SLC17A8: variants seen among roughly 807,000 people sequenced by gnomAD.
SLC17A8 encodes the protein solute carrier family 17 member 8.
A neutral mutation model predicts 58.0 loss-of-function variants in SLC17A8; 31 were observed. The ratio of observed to expected loss-of-function variants is 0.53; its 90% confidence interval spans 0.40 to 0.72. The LOEUF is 0.72. Among genes scored for constraint, SLC17A8 ranks in the 30% least tolerant of loss-of-function variants. The pLI, the probability that SLC17A8 is intolerant of heterozygous loss-of-function variation, is 0.00. For missense variants in SLC17A8, 655 were observed against 727.8 expected, an observed-to-expected ratio of 0.90 and a Z score of 1.15; for synonymous variants, 228 against 249.0, an observed-to-expected ratio of 0.92 and a Z score of 0.79.
rs190631201 is a variant in SLC17A8, at chr12:100,420,701, G to A, written c.*542G>A. 2.7e-4 allele frequency: 44 copies of A among 160,756 alleles called. No homozygotes were observed. The highest frequency in any genetic ancestry group is 4.7e-4 in the Non-Finnish European group (34 of 72,470). 10.0% of individuals were successfully genotyped at this position (160,756 alleles called of 1,614,324 possible). On this transcript the variant is annotated 3_prime_UTR_variant, in exon 12 of 12. Coordinates refer to ENST00000323346, the MANE Select transcript of SLC17A8 (RefSeq NM_139319.3). ...GCAACAAGAAATGAACTTGCCCAAGGTCATCTGCCAGGGTCAGTGCTGAGA... is the reference window on the plus strand; with the variant it reads ...GCAACAAGAAATGAACTTGCCCAAGATCATCTGCCAGGGTCAGTGCTGAGA...
intron 1 of SLC17A8, among the ~76,000 whole-genome samples, chr12:100,379,798 T>C (rs1373658016): frequency 6.6e-6 from 1 of 151,576 alleles, no homozygotes; most frequent in Non-Finnish European, 1.5e-5. Flanking sequence ...TGCTGGATGA[T>C]CACCTCCTTA....
At chr12:100,381,149 C>T (rs1192763273) in intron 2 of SLC17A8, among the ~76,000 whole-genome samples, 196 bp downstream of exon 2, 6 of 151,930 alleles carry the variant, frequency 3.9e-5, no homozygotes, top group Non-Finnish European at 7.4e-5. Context: ...ATCTCAGCAT[C>T]TCAGCATCTC....
Position 100,418,165 on chromosome 12 carries a change from C to A in SLC17A8, c.1425+9C>A. 1 of 1,614,112 alleles carries A rather than the reference C, an allele frequency of 6.2e-7. No homozygotes were observed. Among genetic ancestry groups the A allele is most frequent in the Non-Finnish European group, 8.5e-7 (1 of 1,180,026 alleles). On this transcript the variant is annotated intron_variant, in intron 11 of 11. Transcript: ENST00000323346. ...CAATGACCAGGCACAAGGTAAAGGT[C>A]TCCTTTGTGGCTATGGGTTACAATA... is the stretch of plus-strand genomic sequence containing the variant.
At chr12:100,408,634 CT>C (rs557655090) in intron 9 of SLC17A8, among the ~76,000 whole-genome samples, 14 of 152,130 alleles carry the variant, frequency 9.2e-5, no homozygotes, top group Non-Finnish European at 8.8e-5. Flanking sequence ...CACTGGCAAT[CT>C]GCTATTTGGC....
intron 9 of SLC17A8, chr12:100,410,678 G>C (rs1952861391): frequency 1.3e-5 from 2 of 152,330 alleles, no homozygotes; most frequent in Non-Finnish European, 2.9e-5. Flanking sequence ...AGAAAAAAAG[G>C]TGGCTTATTG....
Position 100,421,658 on chromosome 12 carries a change from G to GTTTTTTTTTTTTTTTTTTTATTTTTT in SLC17A8, c.*1518_*1519insATTTTTTTTTTTTTTTTTTTTTTTTT. On this transcript the variant is annotated 3_prime_UTR_variant, in exon 12 of 12. Transcript: ENST00000323346. ...TACTTGTAGCTTATTATTGTAAAGT[G>GTTTTTTTTTTTTTTTTTTTATTTTTT]TTTTTTTTTTTTTTTTTTTTTTCTA... 1 of 109,872 alleles carries GTTTTTTTTTTTTTTTTTTTATTTTTT rather than the reference G, an allele frequency of 9.1e-6. No individual in the cohort carries two copies. The highest frequency in any genetic ancestry group is 1.7e-5 in the Non-Finnish European group (1 of 58,400). The allele number at this position is 109,872 out of a possible 1,614,324, so 6.8% of individuals were successfully genotyped here. A position where few individuals can be genotyped will look rare whatever the true frequency, so the allele number is the denominator to read the frequency against.
chr12:100,363,858 T>G (rs908637737), intron 1 of SLC17A8, among the ~76,000 whole-genome samples: 1 of 151,856 alleles, frequency 6.6e-6, no homozygotes, highest in African/African-American at 2.4e-5. Flanking sequence ...CTGGTCAACA[T>G]GGTGAAACAT....
rs116489734 is a variant in SLC17A8, at chr12:100,412,100, A to G, written c.1187-670A>G. 8.1e-3 allele frequency among the ~76,000 whole-genome samples: 1,227 copies of G among 152,306 alleles called. 20 individuals are homozygous for G. Among genetic ancestry groups the G allele is most frequent in the African/African-American group, 0.028 (1,161 of 41,568 alleles). On this transcript the variant is annotated intron_variant, in intron 9 of 11. Coordinates refer to ENST00000323346, the MANE Select transcript of SLC17A8 (RefSeq NM_139319.3). ...TTATATAGTAGAGTTTTAGTATTTA[A>G]CAATGGCAGGGACAGCTACCCATGA...
At chr12:100,360,043 G>C (rs557784435) in intron 1 of SLC17A8, among the ~76,000 whole-genome samples, 1 of 152,188 alleles carries the variant, frequency 6.6e-6, no homozygotes, top group African/African-American at 2.4e-5. Context: ...ACAGTCAGGG[G>C]AGTGGCAATT....
intron 9 of SLC17A8, among the ~76,000 whole-genome samples, chr12:100,407,251 C>T (rs1294730750): frequency 6.6e-6 from 1 of 152,188 alleles, no homozygotes; most frequent in African/African-American, 2.4e-5. Context: ...TCTAAACTGG[C>T]AACTTTAAAT....
In SLC17A8 at chr12:100,417,948, G is replaced by C; in HGVS notation, c.1298-81G>C. 5 of 1,574,630 alleles carry C rather than the reference G, an allele frequency of 3.2e-6. No homozygotes were observed. The South Asian group carries it at 5.5e-5, about 17-fold the overall frequency. ...GAGGAAACCAAACAGATTGGTAAAGGCTGGGGCAACTGAGTATTTTCCAAA... is the reference window on the plus strand; with the variant it reads ...GAGGAAACCAAACAGATTGGTAAAGCCTGGGGCAACTGAGTATTTTCCAAA... On this transcript the variant is annotated intron_variant, in intron 10 of 11. Transcript: ENST00000323346.
chr12:100,402,791 G>T, intron 8 of SLC17A8, 46 bp downstream of exon 8: 1 of 1,545,188 alleles, frequency 6.5e-7, no homozygotes. Flanking sequence ...TAAATCTCTT[G>T]ATTCTACAGA....
intron 1 of SLC17A8, among the ~76,000 whole-genome samples, chr12:100,377,512 A>G (rs1426838687): frequency 6.6e-6 from 1 of 150,988 alleles, no homozygotes; most frequent in African/African-American, 2.4e-5. Context: ...AGTAAGGTAC[A>G]TGAGCTCCTC....
At chr12:100,379,159 G>A (rs779556765) in intron 1 of SLC17A8, among the ~76,000 whole-genome samples, 10 of 151,404 alleles carry the variant, frequency 6.6e-5, no homozygotes, top group Admixed American at 1.3e-4. Context: ...CCAAGGTGCC[G>A]GGGGCGGTGG....
rs2136020636 is a variant in SLC17A8 at position 100,420,237 on chromosome 12, G to C, written c.*78G>C. The C allele has an allele frequency of 8.4e-6, 10 of 1,188,870 alleles. No individual in the cohort carries two copies. The South Asian group carries it at 1.1e-4, about 13-fold the overall frequency. 73.6% of individuals were successfully genotyped at this position (1,188,870 alleles called of 1,614,324 possible). A position where few individuals can be genotyped will look rare whatever the true frequency, so the allele number is the denominator to read the frequency against. On this transcript the variant is annotated 3_prime_UTR_variant, in exon 12 of 12. Transcript: ENST00000323346. ...TACCTATTGCCTTTCTTGTAGCCCA[G>C]CTTGCCAGAGGTCCAAATATTGGGA... is the stretch of plus-strand genomic sequence containing the variant.
intron 1 of SLC17A8, among the ~76,000 whole-genome samples, chr12:100,366,302 A>G (rs1952520970): frequency 6.6e-6 from 1 of 152,088 alleles, no homozygotes; most frequent in Non-Finnish European, 1.5e-5. Flanking sequence ...CGTTTTCCAA[A>G]TGCTAGGTGT....
intron 1 of SLC17A8, among the ~76,000 whole-genome samples, chr12:100,368,182 C>A (rs1952533235): frequency 6.6e-6 from 1 of 152,164 alleles, no homozygotes; most frequent in African/African-American, 2.4e-5. Context: ...GAAGTCCAAA[C>A]CCAAGGTGTT....
In SLC17A8 at chr12:100,380,896, C is replaced by G. The variant is rs1407239594; in HGVS notation, c.297C>G (p.Ala99=). Residue 99 remains alanine, a synonymous_variant, in exon 2 of 12, where the codon GCC becomes GCG. Coordinates refer to ENST00000323346, the MANE Select transcript of SLC17A8 (RefSeq NM_139319.3). ...GGATCCGGTGCAATCTTGGAGTTGC[C>G]ATTGTGGAAATGGTCAACAATAGCA... ...SFGIRCNLGV[A]IVEMVNNSTV... is the part of the protein sequence containing the mutation. 6.2e-7 allele frequency: 1 copy of G among 1,614,100 alleles called. No homozygotes were observed.
intron 4 of SLC17A8, among the ~76,000 whole-genome samples, chr12:100,394,398 CTTTTTTT>C (rs34047250): frequency 8.9e-6 from 1 of 112,758 alleles, no homozygotes; most frequent in Non-Finnish European, 1.9e-5. Context: ...ACATCTTTTC[CTTTTTTT>C]TTTTTTTTTT....
Sources: allele counts gnomAD v4.1 joint callset (sites outside exome capture counted in the v4.1 genomes callset), GRCh38; gene constraint gnomAD v4.1.1; transcripts MANE v1.5; gene names NCBI Gene and HGNC (gene_info 2026-07-23, HGNC 2026-07-21).